OR1J2: variants seen among roughly 807,000 people sequenced by gnomAD.
The protein encoded by OR1J2 is olfactory receptor 1J2.
For missense variants in OR1J2, 304 were observed against 246.1 expected (o/e 1.24, Z -1.57); for synonymous variants, 142 against 99.7 (o/e 1.42, Z -2.52).
chr9:122,575,032 A>C, the OR1J2 span, among the ~76,000 whole-genome samples: 1 of 152,128 alleles, frequency 6.6e-6, no homozygotes, highest in African/African-American at 2.4e-5. Context: ...CCAGGCTTGC[A>C]TACCTAGGAT....
chr9:122,497,304 G>T, the OR1J2 span, among the ~76,000 whole-genome samples: 149 of 152,334 alleles, frequency 9.8e-4, 1 homozygote, highest in African/African-American at 3.4e-3. Flanking sequence ...GTCCATCAGA[G>T]TGGGAGCTGC....
chr9:122,467,406 G>A, the OR1J2 span, among the ~76,000 whole-genome samples: 2 of 151,966 alleles, frequency 1.3e-5, no homozygotes, highest in East Asian at 1.9e-4. Context: ...CCCAAGAGGG[G>A]GAAATAATTT....
chr9:122,520,702 A>G, the OR1J2 span, among the ~76,000 whole-genome samples: 2 of 152,224 alleles, frequency 1.3e-5, no homozygotes, highest in Non-Finnish European at 2.9e-5. Flanking sequence ...ACTCCAGGTA[A>G]TGAATGAGAA....
chr9:122,548,059 C>G, the OR1J2 span, among the ~76,000 whole-genome samples: 6 of 151,996 alleles, frequency 3.9e-5, no homozygotes, highest in Admixed American at 3.9e-4. Flanking sequence ...GAGCATTTTC[C>G]TCATATGCTT....
At chr9:122,498,086 T>C in the OR1J2 span, among the ~76,000 whole-genome samples, 1 of 151,902 alleles carries the variant, frequency 6.6e-6, no homozygotes, top group Non-Finnish European at 1.5e-5. Flanking sequence ...TATTGAGATG[T>C]GCTTTACAGC....
chr9:122,475,941 CTG>C, the OR1J2 span: 1 of 152,230 alleles, frequency 6.6e-6, no homozygotes, highest in African/African-American at 2.4e-5. Context: ...CTGAGTCACT[CTG>C]GAATCAGATG....
chr9:122,510,287 T>C (rs1828607983), upstream of OR1J2, among the ~76,000 whole-genome samples: 1 of 152,164 alleles, frequency 6.6e-6, no homozygotes, highest in Admixed American at 6.5e-5. Flanking sequence ...ACATTAACTT[T>C]TGGGAGCAGT....
chr9:122,501,972 G>T, the OR1J2 span, among the ~76,000 whole-genome samples: 21 of 152,212 alleles, frequency 1.4e-4, no homozygotes, highest in South Asian at 2.1e-4. Context: ...CACCCTGCAG[G>T]TGAGTGAGCT....
At chr9:122,535,637 T>C in the OR1J2 span, among the ~76,000 whole-genome samples, 1 of 152,156 alleles carries the variant, frequency 6.6e-6, no homozygotes, top group Non-Finnish European at 1.5e-5. Context: ...CTTGGGCTGC[T>C]GGGTCTGAGG....
At chr9:122,489,180 G>A in the OR1J2 span, among the ~76,000 whole-genome samples, 86 of 152,252 alleles carry the variant, frequency 5.6e-4, no homozygotes, top group African/African-American at 2.0e-3. Context: ...ACAAAGGGGG[G>A]CATCAAACCC....
At chr9:122,534,509 C>A in the OR1J2 span, among the ~76,000 whole-genome samples, 1 of 152,188 alleles carries the variant, frequency 6.6e-6, no homozygotes, top group Admixed American at 6.5e-5. Context: ...GCTCCAGCCA[C>A]CTTTTTAAGA....
the OR1J2 span, among the ~76,000 whole-genome samples, chr9:122,469,836 C>A: frequency 5.3e-5 from 8 of 152,134 alleles, no homozygotes; most frequent in African/African-American, 1.9e-4. Flanking sequence ...AAGAGACTGG[C>A]AGCATTTTGC....
At chr9:122,574,544 T>C in the OR1J2 span, among the ~76,000 whole-genome samples, 12 of 152,188 alleles carry the variant, frequency 7.9e-5, no homozygotes, top group African/African-American at 2.9e-4. Context: ...AATCCTGCAT[T>C]TTGCACTCTT....
the OR1J2 span, among the ~76,000 whole-genome samples, chr9:122,474,323 G>C: frequency 1.3e-5 from 2 of 152,210 alleles, no homozygotes; most frequent in Admixed American, 6.5e-5. Flanking sequence ...ATCCAGATGA[G>C]ATAAGCCTAA....
At position 122,511,134 on chromosome 9, in the gene OR1J2, C is replaced by A. The variant is rs774362440; in HGVS notation, c.333C>A (p.Asp111Glu). 1 of 828,546 alleles carries A rather than the reference C, an allele frequency of 1.2e-6. No homozygotes were observed. The highest frequency in any genetic ancestry group is 2.0e-6 in the Non-Finnish European group (1 of 493,972). 51.3% of individuals were successfully genotyped at this position (828,546 alleles called of 1,614,324 possible). ...TTTTTATATTTTTTACTGACCTGGA[C>A]AGCTTCCTTATTACATCAATGGCAT... ...MYFFIFFTDL[D>E]SFLITSMAYD... Residue 111 changes from aspartate (D) to glutamate (E), a missense_variant, in exon 1 of 1, where the codon GAC becomes GAA. Physicochemically the swap from Asp to Glu is conservative, Grantham distance 45. Coordinates refer to ENST00000335302, the MANE Select transcript of OR1J2 (RefSeq NM_054107.1).
At chr9:122,554,668 C>T in the OR1J2 span, among the ~76,000 whole-genome samples, 1 of 152,060 alleles carries the variant, frequency 6.6e-6, no homozygotes, top group Non-Finnish European at 1.5e-5. Context: ...TCTATTTTAC[C>T]ACTTTGTGAG....
the OR1J2 span, among the ~76,000 whole-genome samples, chr9:122,538,813 T>C: frequency 3.9e-5 from 6 of 152,170 alleles, no homozygotes; most frequent in Admixed American, 3.9e-4. Flanking sequence ...TTCTCACTTA[T>C]AAGTAGGACC....
downstream of OR1J2, among the ~76,000 whole-genome samples, chr9:122,516,551 C>T (rs1828702867): frequency 6.6e-6 from 1 of 152,122 alleles, no homozygotes; most frequent in Non-Finnish European, 1.5e-5. Flanking sequence ...GATCCGCCCG[C>T]CTCGGCCTCC....
the OR1J2 span, among the ~76,000 whole-genome samples, chr9:122,580,112 A>C: frequency 9.6e-3 from 1,459 of 152,288 alleles, 21 homozygotes; most frequent in African/African-American, 0.032. Flanking sequence ...GCCGCTCCTA[A>C]AGCAAATGCC....
Sources: allele counts gnomAD v4.1 joint callset (sites outside exome capture counted in the v4.1 genomes callset), GRCh38; gene constraint gnomAD v4.1.1; transcripts MANE v1.5; gene names NCBI Gene and HGNC (gene_info 2026-07-23, HGNC 2026-07-21).